Variants in CDKL4 observed in about 807,000 individuals in gnomAD.
CDKL4 encodes cyclin-dependent kinase-like 4.
Under a neutral mutation model 42.0 loss-of-function variants are expected in CDKL4, and 44 were observed. The observed-to-expected ratio is 1.05, with a 90% CI of 0.82 to 1.35. The LOEUF is 1.35. Ranked by LOEUF, CDKL4 falls within the 40% of genes most tolerant of loss-of-function variation. CDKL4 has a pLI of 0.00. For missense variants in CDKL4, 393 were observed against 369.9 expected (o/e 1.06, Z -0.51); for synonymous variants, 120 against 121.6 (o/e 0.99, Z 0.09).
chr2:39,225,763 A>G, intron 3 of CDKL4, 76 bp downstream of exon 3: 1 of 1,426,536 alleles, frequency 7.0e-7, no homozygotes. Context: ...TGGGATTTGA[A>G]ATTTGCCATG....
chr2:39,240,538 T>C (rs1679608913), intron 1 of CDKL4, among the ~76,000 whole-genome samples: 1 of 151,940 alleles, frequency 6.6e-6, no homozygotes, highest in South Asian at 2.1e-4. Flanking sequence ...AGCACCATTA[T>C]TCAGAAGAGG....
chr2:39,238,030 A>T (rs1044936727), intron 1 of CDKL4, among the ~76,000 whole-genome samples: 1 of 152,252 alleles, frequency 6.6e-6, no homozygotes, highest in African/African-American at 2.4e-5. Context: ...ACTGAAAATT[A>T]CAAAATACCA....
At chr2:39,184,727 T>A in intron 7 of CDKL4, 80 bp from the exon 8 acceptor site, 1 of 774,144 alleles carries the variant, frequency 1.3e-6, no homozygotes. Context: ...TATGTATGTG[T>A]GTGTGTGTGT....
At chr2:39,180,189 G>GATAACATA (rs1675356041) in intron 8 of CDKL4, among the ~76,000 whole-genome samples, 1 of 152,106 alleles carries the variant, frequency 6.6e-6, no homozygotes, top group South Asian at 2.1e-4. Context: ...GACCAGCCTG[G>GATAACATA]GTAACATAGT....
At chr2:39,211,581 C>G in intron 4 of CDKL4, among the ~76,000 whole-genome samples, 1 of 152,108 alleles carries the variant, frequency 6.6e-6, no homozygotes, top group Middle Eastern at 3.2e-3. Context: ...AAGATATCAT[C>G]TCATCACCCT....
In CDKL4 at chr2:39,183,914, G is replaced by C. The variant is rs1404353779; in HGVS notation, c.792+677C>G. Among the ~76,000 whole-genome samples, 3 of 152,278 alleles carry C rather than the reference G, an allele frequency of 2.0e-5. No homozygotes were observed. In the South Asian group the frequency reaches 6.2e-4, roughly 32 times the overall value. On this transcript the variant is annotated intron_variant, in intron 8 of 9. Transcript: ENST00000451199. The stretch of plus-strand genomic sequence containing the variant: ...CTCGCACAAAGGCTGGTCTACAAAA[G>C]TTGACTCTAGGTCATCCAAATGGCC...
chr2:39,218,621 G>A (rs571556221), intron 3 of CDKL4, among the ~76,000 whole-genome samples: 5 of 152,196 alleles, frequency 3.3e-5, no homozygotes, highest in Non-Finnish European at 7.3e-5. Context: ...AGGGCAGGCA[G>A]GCAGGCATCA....
At chr2:39,223,082 C>T (rs1212438695) in intron 3 of CDKL4, among the ~76,000 whole-genome samples, 1 of 151,886 alleles carries the variant, frequency 6.6e-6, no homozygotes, top group African/African-American at 2.4e-5. Flanking sequence ...TTTCATATAT[C>T]ATCCCAGGAA....
At chr2:39,222,560 A>C (rs1678442151) in intron 3 of CDKL4, among the ~76,000 whole-genome samples, 1 of 152,162 alleles carries the variant, frequency 6.6e-6, no homozygotes. Context: ...ACTGCACTCC[A>C]GCCTGGGCGA....
chr2:39,168,997 C>T, the CDKL4 span, among the ~76,000 whole-genome samples: 2 of 152,034 alleles, frequency 1.3e-5, no homozygotes, highest in African/African-American at 4.8e-5. Context: ...CCTCGTGATC[C>T]GCCTGCCTTG....
chr2:39,240,168 G>A (rs1335085083), intron 1 of CDKL4, among the ~76,000 whole-genome samples: 1 of 151,912 alleles, frequency 6.6e-6, no homozygotes, highest in African/African-American at 2.4e-5. Context: ...CCAGCACTTT[G>A]GGAGGCCGAG....
chr2:39,243,642 T>G (rs1679774107), intron 1 of CDKL4, among the ~76,000 whole-genome samples: 2 of 152,128 alleles, frequency 1.3e-5, no homozygotes, highest in African/African-American at 4.8e-5. Flanking sequence ...GCCCACTCCC[T>G]GGGCAGCACC....
downstream of CDKL4, among the ~76,000 whole-genome samples, chr2:39,173,274 GA>G (rs1335207535): frequency 3.3e-5 from 5 of 152,216 alleles, no homozygotes; most frequent in Admixed American, 6.5e-5. Context: ...TTGGTAATAA[GA>G]AGGCTTAAAT....
chr2:39,207,991 A>T (rs1438944527), intron 4 of CDKL4, among the ~76,000 whole-genome samples: 1 of 152,004 alleles, frequency 6.6e-6, no homozygotes, highest in African/African-American at 2.4e-5. Flanking sequence ...AATCCCAGCT[A>T]CTCGGGAGGC....
At chr2:39,211,145 C>T (rs1677563901) in intron 4 of CDKL4, among the ~76,000 whole-genome samples, 1 of 152,140 alleles carries the variant, frequency 6.6e-6, no homozygotes, top group Non-Finnish European at 1.5e-5. Context: ...CAGTGGTTCA[C>T]ACCTGTAATC....
At chr2:39,246,377 T>A (rs1166104861), upstream of CDKL4, among the ~76,000 whole-genome samples, 1 of 152,150 alleles carries the variant, frequency 6.6e-6, no homozygotes, top group East Asian at 1.9e-4. Context: ...TATAGAAAAA[T>A]TTCTCATTAA....
intron 9 of CDKL4, chr2:39,178,456 G>C: frequency 1.0e-6 from 1 of 952,686 alleles, no homozygotes; most frequent in East Asian, 2.6e-5. Context: ...AATAATATTA[G>C]GGACCTTCTC....
At chr2:39,205,210 A>T (rs1387659012) in intron 4 of CDKL4, among the ~76,000 whole-genome samples, 1 of 152,152 alleles carries the variant, frequency 6.6e-6, no homozygotes, top group Non-Finnish European at 1.5e-5. Context: ...ATTAAATTCA[A>T]GAAGAGAGTA....
chr2:39,172,788 G>C (rs539520306), downstream of CDKL4, among the ~76,000 whole-genome samples: 23 of 152,178 alleles, frequency 1.5e-4, no homozygotes, highest in Admixed American at 1.3e-3. Flanking sequence ...TACCATGTTG[G>C]CCAGACCGGT....
Sources: allele counts gnomAD v4.1 joint callset (sites outside exome capture counted in the v4.1 genomes callset), GRCh38; gene constraint gnomAD v4.1.1; transcripts MANE v1.5; gene names NCBI Gene and HGNC (gene_info 2026-07-23, HGNC 2026-07-21).